The following CCT6A variants were observed in gnomAD, a reference collection of about 807,000 sequenced individuals.
CCT6A encodes the protein chaperonin containing TCP1 subunit 6A, also known as T-complex protein 1 subunit zeta.
CCT6A carries 6 observed loss-of-function variants against 58.6 expected under a neutral mutation model. That is an observed-to-expected ratio of 0.10 (90% confidence interval 0.06 to 0.20). The LOEUF (loss-of-function observed/expected upper bound fraction) is 0.20, where lower values mean the gene tolerates loss of function less well. Among genes scored for constraint, CCT6A ranks in the 10% least tolerant of loss-of-function variants. CCT6A has a pLI of 1.00. For synonymous variants in CCT6A, 245 were observed against 227.8 expected (o/e 1.08, Z -0.68); for missense variants, 516 against 648.8 (o/e 0.80, Z 2.22).
chr7:56,055,836 C>T (rs1213290437), intron 4 of CCT6A, 39 bp downstream of exon 4: 1 of 1,431,746 alleles, frequency 7.0e-7, no homozygotes, highest in Admixed American at 1.9e-5. Context: ...TATAGTATAC[C>T]TATATAGAAA....
chr7:56,061,690 T>TTA, intron 11 of CCT6A, 57 bp from the exon 12 acceptor site: 2 of 560,360 alleles, frequency 3.6e-6, no homozygotes. Flanking sequence ...TTTTTTTTTT[T>TTA]TTTTACTATC....
At chr7:56,062,179 T>A (rs550992924) in intron 12 of CCT6A, 1 of 221,464 alleles carries the variant, frequency 4.5e-6, no homozygotes, top group Non-Finnish European at 8.9e-6. Flanking sequence ...ATGTGGTGAT[T>A]ATATTCATGG....
At chr7:56,055,163 A>G (rs758207194) in intron 3 of CCT6A, among the ~76,000 whole-genome samples, 7 of 152,182 alleles carry the variant, frequency 4.6e-5, no homozygotes, top group Non-Finnish European at 1.0e-4. Flanking sequence ...AATCCCAGCT[A>G]CTTGGGAAGC....
At chr7:56,062,357 C>T (rs1160309261) in intron 12 of CCT6A, among the ~76,000 whole-genome samples, 2 of 152,106 alleles carry the variant, frequency 1.3e-5, no homozygotes, top group Non-Finnish European at 1.5e-5. Context: ...CTATTGTCAA[C>T]ATTAATAGAA....
intron 8 of CCT6A, 145 bp downstream of exon 8, chr7:56,058,847 T>C (rs981593885): frequency 6.2e-5 from 32 of 516,232 alleles, no homozygotes; most frequent in African/African-American, 5.5e-4. Flanking sequence ...GCACTGTCCA[T>C]CTCTAGGACT....
At chr7:56,053,626 C>T (rs138748600) in intron 2 of CCT6A, among the ~76,000 whole-genome samples, 4 of 152,162 alleles carry the variant, frequency 2.6e-5, no homozygotes, top group East Asian at 1.9e-4. Flanking sequence ...TGGTCCTGCA[C>T]GCCTGTAGTC....
At chr7:56,052,788 C>CTTTTTTTTTTTTTTT (rs776930910) in intron 2 of CCT6A, among the ~76,000 whole-genome samples, 1 of 27,048 alleles carries the variant, frequency 3.7e-5, no homozygotes, top group Non-Finnish European at 1.1e-4. Context: ...TTTTTCTTTT[C>CTTTTTTTTTTTTTTT]TTTTCTTTTT....
At chr7:56,061,657 TTTTC>T in intron 11 of CCT6A, 86 bp from the exon 12 acceptor site, 1 of 640,688 alleles carries the variant, frequency 1.6e-6, no homozygotes, top group African/African-American at 2.3e-5. Flanking sequence ...GAGATTTTCT[TTTTC>T]TTTTTTCTTT....
chr7:56,052,067 C>A, intron 1 of CCT6A, 82 bp downstream of exon 1: 1 of 1,184,222 alleles, frequency 8.4e-7, no homozygotes, highest in Non-Finnish European at 1.1e-6. Flanking sequence ...CGGACTGGAG[C>A]CCGCCGCCTC....
chr7:56,056,475 C>T (rs1794306428), intron 5 of CCT6A, 61 bp downstream of exon 5: 2 of 872,446 alleles, frequency 2.3e-6, no homozygotes, highest in Middle Eastern at 3.4e-4. Flanking sequence ...GTAATCCCAG[C>T]ACTTTGGGAG....
rs758136626 is a variant in CCT6A, at chr7:56,058,102, A to G, written c.724A>G (p.Thr242Ala). The stretch of plus-strand genomic sequence containing the variant: ...TAACGTGTCATTAGAGTATGAGAAA[A>G]CGTAAGTTTATAGCCCCTTAACAGT... Reference protein sequence around the residue: ...TCNVSLEYEKTEVNSGFFYKS... With the variant: ...TCNVSLEYEKAEVNSGFFYKS... Residue 242 changes from threonine to alanine, a missense_variant and splice_region_variant, in exon 6 of 14, where the codon ACA becomes GCA. By Grantham distance (58) the Thr-to-Ala change is moderately conservative. Around this residue, in one of 3 missense-constraint regions of CCT6A, gnomAD observed 315 missense variants for 389.4 expected, o/e 0.81. Transcript: ENST00000275603. 6.5e-7 allele frequency: 1 copy of G among 1,537,060 alleles called. No individual in the cohort carries two copies. Among genetic ancestry groups the G allele is most frequent in the Non-Finnish European group, 9.0e-7 (1 of 1,110,270 alleles).
Position 56,055,395 on chromosome 7 carries a change from A to T in CCT6A, c.337-229A>T, listed in dbSNP as rs761901315. 4.3e-5 allele frequency: 27 copies of T among 624,490 alleles called. No individual in the cohort carries two copies. The South Asian group carries it at 4.7e-4, about 11-fold the overall frequency. The allele number at this position is 624,490 out of a possible 1,614,324, so 38.7% of individuals were successfully genotyped here. ...CAGTGAACACCCAAGTGTGCTTTAT[A>T]GTTCCCTTGGCTTTGACCCTGTGCT... is the stretch of plus-strand genomic sequence containing the variant. On this transcript the variant is annotated intron_variant, in intron 3 of 13. Transcript: ENST00000275603.
At chr7:56,059,697 G>A in intron 9 of CCT6A, 57 bp downstream of exon 9, 2 of 883,592 alleles carry the variant, frequency 2.3e-6, no homozygotes, top group Non-Finnish European at 3.8e-6. Flanking sequence ...AATTATTTTT[G>A]TTTGTTTGTT....
intron 3 of CCT6A, 107 bp from the exon 4 acceptor site, chr7:56,055,517 C>A: frequency 1.1e-6 from 1 of 928,106 alleles, no homozygotes; most frequent in Non-Finnish European, 1.7e-6. Context: ...ACCTCGTGTT[C>A]AAAGGTATGA....
At chr7:56,061,689 T>C in intron 11 of CCT6A, 58 bp from the exon 12 acceptor site, 1 of 522,464 alleles carries the variant, frequency 1.9e-6, no homozygotes. Context: ...TTTTTTTTTT[T>C]TTTTTACTAT....
Position 56,063,435 on chromosome 7 carries a change from G to A in CCT6A, c.*350G>A, listed in dbSNP as rs1794520476. 1 of 244,850 alleles carries A rather than the reference G, an allele frequency of 4.1e-6. No homozygotes were observed. Among genetic ancestry groups the A allele is most frequent in the East Asian group, 1.1e-4 (1 of 8,844 alleles). 15.2% of individuals were successfully genotyped at this position (244,850 alleles called of 1,614,324 possible). Reference sequence around the variant, plus strand: ...ATGGTTTAATTTTATGTGGACGTATGTTAAATTATCCAACTACCCTATTGT... The same window carrying A: ...ATGGTTTAATTTTATGTGGACGTATATTAAATTATCCAACTACCCTATTGT... On this transcript the variant is annotated 3_prime_UTR_variant, in exon 14 of 14. Transcript: ENST00000275603.
chr7:56,055,617 A>G lies in CCT6A; in HGVS notation c.337-7A>G, dbSNP rs759874520. ...AAGATGCAAGTGTTAATGTGTGTTT[A>G]TTTTAGGGCCTTCATCCTAGAATAA... On this transcript the variant is annotated splice_region_variant and splice_polypyrimidine_tract_variant and intron_variant, in intron 3 of 13. Transcript: ENST00000275603. 1.2e-6 allele frequency: 2 copies of G among 1,612,150 alleles called. No individual in the cohort carries two copies. The highest frequency in any genetic ancestry group is 1.7e-5 in the Admixed American group (1 of 59,876).
intron 8 of CCT6A, among the ~76,000 whole-genome samples, chr7:56,059,254 A>G (rs2014042): frequency 0.22 from 33,364 of 151,506 alleles, 3,809 homozygotes; most frequent in East Asian, 0.4. Flanking sequence ...ACCCACCTCA[A>G]CCTCCCAAAG....
At position 56,051,817 on chromosome 7, in the gene CCT6A, G is replaced by A. The variant is rs773085914; in HGVS notation, c.-32G>A. 5 of 1,547,546 alleles carry A rather than the reference G, an allele frequency of 3.2e-6. No individual in the cohort carries two copies. Among genetic ancestry groups the A allele is most frequent in the African/African-American group, 1.4e-5 (1 of 72,054 alleles). On this transcript the variant is annotated 5_prime_UTR_variant, in exon 1 of 14. Transcript: ENST00000275603. ...ACGCCGCGCCGGCTCTGGGCACTCA[G>A]CATCGTTTCCTTTTCCTCCGCTGGA...
Sources: gnomAD v4.1 joint callset for allele counts (sites outside exome capture counted in the v4.1 genomes callset) on GRCh38, gnomAD v4.1.1 for gene constraint, gnomAD v4.1.1 regional missense constraint, MANE v1.5 for transcripts, NCBI Gene and HGNC (gene_info 2026-07-23, HGNC 2026-07-21) for gene names.